Variants in DENND4C observed in about 807,000 individuals in gnomAD.
DENND4C encodes DENN domain-containing protein 4C.
Under a neutral mutation model 203.0 loss-of-function variants are expected in DENND4C, and 108 were observed. The ratio of observed to expected loss-of-function variants is 0.53; its 90% CI spans 0.46 to 0.62. The LOEUF is 0.62. Ranked by LOEUF, DENND4C falls within the 20% of genes least tolerant of loss-of-function variation. The pLI is 0.00. For synonymous variants in DENND4C, 871 were observed against 792.4 expected (o/e 1.10, Z -1.67); for missense variants, 2,481 against 2,301.2 (o/e 1.08, Z -1.60).
chr9:19,250,000 C>T (rs981563906), intron 1 of DENND4C, among the ~76,000 whole-genome samples: 1 of 152,116 alleles, frequency 6.6e-6, no homozygotes, highest in Non-Finnish European at 1.5e-5. Flanking sequence ...AAAATACTGT[C>T]TTCAAAAGTT....
At chr9:19,237,051 G>A (rs1822137724) in intron 1 of DENND4C, among the ~76,000 whole-genome samples, 1 of 151,664 alleles carries the variant, frequency 6.6e-6, no homozygotes, top group African/African-American at 2.4e-5. Flanking sequence ...ACGGAGTTTT[G>A]CTCTTGTTGC....
intron 30 of DENND4C, among the ~76,000 whole-genome samples, chr9:19,366,495 T>A (rs1827711974): frequency 6.6e-6 from 1 of 152,012 alleles, no homozygotes; most frequent in Non-Finnish European, 1.5e-5. Context: ...TCCCAGCTAG[T>A]CGGGAGGCTG....
chr9:19,294,311 A>G (rs1466121026), intron 5 of DENND4C, among the ~76,000 whole-genome samples: 1 of 152,120 alleles, frequency 6.6e-6, no homozygotes, highest in Non-Finnish European at 1.5e-5. Flanking sequence ...GTAGCCAGAA[A>G]GCAGAGAAAT....
At chr9:19,315,434 A>G (rs1211846974) in intron 10 of DENND4C, among the ~76,000 whole-genome samples, 1 of 151,488 alleles carries the variant, frequency 6.6e-6, no homozygotes, top group Non-Finnish European at 1.5e-5. Flanking sequence ...TAACTTTTGT[A>G]AGAAGAGGGC....
chr9:19,338,007 T>C (rs1268052620), intron 20 of DENND4C, among the ~76,000 whole-genome samples: 1 of 152,200 alleles, frequency 6.6e-6, no homozygotes, highest in African/African-American at 2.4e-5. Flanking sequence ...GCCATTGCTT[T>C]CCAAAACTTA....
intron 16 of DENND4C, among the ~76,000 whole-genome samples, chr9:19,328,801 C>T (rs1457748669): frequency 1.3e-5 from 2 of 152,000 alleles, no homozygotes; most frequent in African/African-American, 4.8e-5. Context: ...GTAATCCCAG[C>T]ACTTTGGGAG....
intron 1 of DENND4C, among the ~76,000 whole-genome samples, chr9:19,246,754 T>G (rs1472879713): frequency 6.6e-6 from 1 of 152,180 alleles, no homozygotes; most frequent in Non-Finnish European, 1.5e-5. Flanking sequence ...TTTTATTTTA[T>G]CTAGACCTGC....
rs1055186909 is a variant in DENND4C, at chr9:19,266,722, G to A, written c.-17-9436G>A. 1.4e-4 allele frequency among the ~76,000 whole-genome samples: 22 copies of A among 152,240 alleles called. 2 individuals are homozygous for A. The highest frequency in any genetic ancestry group is 4.6e-4 in the Admixed American group (7 of 15,290). On this transcript the variant is annotated intron_variant, in intron 1 of 32. Coordinates refer to ENST00000434457, the MANE Select transcript of DENND4C (RefSeq NM_001330640.2). ...GACAAACCTGACAAAAACAAAAAAT[G>A]GGGAAAGGATTCCTTATTTAATAAA...
intron 10 of DENND4C, among the ~76,000 whole-genome samples, chr9:19,311,087 T>C (rs918451694): frequency 6.6e-6 from 1 of 152,326 alleles, no homozygotes; most frequent in South Asian, 2.1e-4. Flanking sequence ...ATTTGACTTA[T>C]GTATTACATT....
Position 19,281,957 on chromosome 9 carries a change from A to G in DENND4C, c.306-4812A>G, listed in dbSNP as rs200518246. 2.2e-4 allele frequency among the ~76,000 whole-genome samples: 33 copies of G among 152,290 alleles called. No individual in the cohort carries two copies. In the East Asian group the frequency reaches 5.8e-3, roughly 27 times the overall value. Reference sequence around the variant, plus strand: ...ACACCTGTATAGGGCACTTACCATGAATGGACCTTGCAGGACTGGAAGTTG... The same window carrying G: ...ACACCTGTATAGGGCACTTACCATGGATGGACCTTGCAGGACTGGAAGTTG... On this transcript the variant is annotated intron_variant, in intron 2 of 32. Transcript: ENST00000434457.
chr9:19,235,811 C>T (rs1196507484), intron 1 of DENND4C, among the ~76,000 whole-genome samples: 1 of 151,822 alleles, frequency 6.6e-6, no homozygotes, highest in East Asian at 1.9e-4. Flanking sequence ...GGGGTTTCAC[C>T]GTGGTCTCGA....
chr9:19,338,837 C>G (rs1028274798), intron 20 of DENND4C, among the ~76,000 whole-genome samples: 3 of 152,126 alleles, frequency 2.0e-5, no homozygotes, highest in African/African-American at 7.2e-5. Flanking sequence ...TGTTGTATGG[C>G]AAACCCAGAG....
intron 1 of DENND4C, among the ~76,000 whole-genome samples, chr9:19,252,463 T>G (rs1486104321): frequency 6.6e-6 from 1 of 152,090 alleles, no homozygotes. Flanking sequence ...TCTGTAGTCA[T>G]AGCTACTCAT....
Position 19,319,409 on chromosome 9 carries a change from CAT to C in DENND4C, c.1807+2580_1807+2581del, listed in dbSNP as rs1254654216. On this transcript the variant is annotated intron_variant, in intron 12 of 32. Transcript: ENST00000434457. ...ATATATATACATATATATATACACA[CAT>C]ATATATATACATATATATATACACA... 5.5e-3 allele frequency among the ~76,000 whole-genome samples: 779 copies of C among 142,034 alleles called. 19 individuals are homozygous for C. The highest frequency in any genetic ancestry group is 0.045 in the Admixed American group (624 of 13,782). The allele number at this position is 142,034 out of a possible 152,430, so 93.2% of individuals were successfully genotyped here. A position where few individuals can be genotyped will look rare whatever the true frequency, so the allele number is the denominator to read the frequency against.
chr9:19,251,490 C>G (rs1041979166), intron 1 of DENND4C, among the ~76,000 whole-genome samples: 2 of 152,238 alleles, frequency 1.3e-5, no homozygotes, highest in African/African-American at 4.8e-5. Flanking sequence ...ACATTCCACT[C>G]TTCGTTACTT....
Position 19,269,811 on chromosome 9 carries a change from G to A in DENND4C, c.-17-6347G>A, listed in dbSNP as rs922022445. ...GTTTTCCTGTATGGTCTTGATGCTT[G>A]TGGATGTTTGTTGATGTCTGGGCAT... On this transcript the variant is annotated intron_variant, in intron 1 of 32. Coordinates refer to ENST00000434457, the MANE Select transcript of DENND4C (RefSeq NM_001330640.2). 7.2e-5 allele frequency among the ~76,000 whole-genome samples: 11 copies of A among 152,278 alleles called. No individual in the cohort carries two copies. The South Asian group carries it at 1.7e-3, about 23-fold the overall frequency.
intron 31 of DENND4C, among the ~76,000 whole-genome samples, chr9:19,370,835 A>G (rs1045028591): frequency 6.6e-6 from 1 of 152,246 alleles, no homozygotes; most frequent in Non-Finnish European, 1.5e-5. Flanking sequence ...CGCGTATATC[A>G]AACATTCCTA....
Position 19,358,248 on chromosome 9 carries a change from T to C in DENND4C, c.5160+88T>C, listed in dbSNP as rs1825799884. On this transcript the variant is annotated intron_variant, in intron 28 of 32. Coordinates refer to ENST00000434457, the MANE Select transcript of DENND4C (RefSeq NM_001330640.2). This position sits in a 1 kb window ranked among gnomAD's most constrained non-coding sequence, Gnocchi z 4.8. Reference sequence around the variant, plus strand: ...TATAAATTCTTCTGTAGTGGACTTATTTTAATTACATGAAAAGTGATAGAG... The same window carrying C: ...TATAAATTCTTCTGTAGTGGACTTACTTTAATTACATGAAAAGTGATAGAG... 3 of 1,065,694 alleles carry C rather than the reference T, an allele frequency of 2.8e-6. No individual in the cohort carries two copies. The highest frequency in any genetic ancestry group is 3.9e-6 in the Non-Finnish European group (3 of 774,448). The allele number at this position is 1,065,694 out of a possible 1,614,324, so 66.0% of individuals were successfully genotyped here.
chr9:19,358,062 C>A lies in DENND4C; in HGVS notation c.5062C>A (p.His1688Asn). Residue 1688 changes from histidine to asparagine, a missense_variant, in exon 28 of 33, where the codon CAC (histidine) becomes AAC (asparagine). His to Asn is a moderately conservative substitution (Grantham distance 68). Coordinates refer to ENST00000434457, the MANE Select transcript of DENND4C (RefSeq NM_001330640.2). This position sits in a 1 kb window ranked among gnomAD's most constrained non-coding sequence, Gnocchi z 4.8. ...SKRNVSLTRS[H>N]SVGGPLQNID... ...GCGAAATGTGTCTTTGACTCGAAGT[C>A]ACAGTGTTGGAGGCCCATTGCAGAA... 1 of 1,613,932 alleles carries A rather than the reference C, an allele frequency of 6.2e-7. No individual in the cohort carries two copies. The highest frequency in any genetic ancestry group is 8.5e-7 in the Non-Finnish European group (1 of 1,179,858).
Sources: gnomAD v4.1 joint callset for allele counts (sites outside exome capture counted in the v4.1 genomes callset) on GRCh38, gnomAD v4.1.1 for gene constraint, Gnocchi (gnomAD v3.1) non-coding constraint, MANE v1.5 for transcripts, NCBI Gene and HGNC (gene_info 2026-07-23, HGNC 2026-07-21) for gene names.